The following C19orf18 variants were observed in gnomAD, a reference collection of about 807,000 sequenced individuals.
C19orf18 encodes the protein chromosome 19 open reading frame 18, also known as uncharacterized protein C19orf18.
A neutral mutation model predicts 23.3 loss-of-function variants in C19orf18; 21 were observed. That is an observed-to-expected ratio of 0.90 (90% CI 0.64 to 1.30). C19orf18 has a LOEUF of 1.30. C19orf18 is among the 50% of genes most tolerant of loss of function. The pLI, the probability that C19orf18 is intolerant of heterozygous loss-of-function variation, is 0.00. For synonymous variants in C19orf18, 96 were observed against 95.2 expected (o/e 1.01, Z -0.05); for missense variants, 249 against 259.6 (o/e 0.96, Z 0.28).
At chr19:57,969,285 G>A (rs1050108321) in intron 3 of C19orf18, among the ~76,000 whole-genome samples, 6 of 152,100 alleles carry the variant, frequency 3.9e-5, no homozygotes, top group Admixed American at 6.6e-5. Flanking sequence ...AGCCGGTTGC[G>A]GTGGCTCATG....
chr19:57,966,900 A>G (rs1472861492), intron 3 of C19orf18, among the ~76,000 whole-genome samples: 1 of 152,066 alleles, frequency 6.6e-6, no homozygotes, highest in East Asian at 1.9e-4. Context: ...CCTCCCAAGT[A>G]GCTGGCACTA....
Position 57,958,660 on chromosome 19 carries a change from G to C in C19orf18, c.590C>G (p.Ser197Ter), listed in dbSNP as rs1049034285. 1 of 1,607,042 alleles carries C rather than the reference G, an allele frequency of 6.2e-7. No individual in the cohort carries two copies. ...IKKKLKEEQN[S>*]VTENKTKNAS... ...ATTCTTTGTTTTGTTTTCTGTTACT[G>C]AGTTTTGCTCTTCCTTCAGTTTCTT... The change falls in exon 6 of 6, where the codon TCA becomes TGA. Residue 197 changes from serine (S) to a stop codon, truncating the protein, a stop_gained. Transcript: ENST00000314391. LOFTEE classifies it low-confidence loss of function (END_TRUNC).
intron 3 of C19orf18, among the ~76,000 whole-genome samples, chr19:57,971,202 G>C (rs964009590): frequency 6.6e-6 from 1 of 152,144 alleles, no homozygotes; most frequent in Non-Finnish European, 1.5e-5. Flanking sequence ...GACCCTTGAA[G>C]AGACTGCCCT....
chr19:57,960,542 T>C (rs75985193), intron 5 of C19orf18, among the ~76,000 whole-genome samples: 1,831 of 152,248 alleles, frequency 0.012, 42 homozygotes, highest in African/African-American at 0.042. Flanking sequence ...CTGGGAAATT[T>C]TACCCTGGGG....
chr19:57,972,042 G>A (rs2072948616), intron 3 of C19orf18, among the ~76,000 whole-genome samples: 1 of 152,214 alleles, frequency 6.6e-6, no homozygotes, highest in Non-Finnish European at 1.5e-5. Context: ...CAGAGGAGAA[G>A]GAAGGATGCT....
chr19:57,969,581 A>G (rs1443834208), intron 3 of C19orf18, among the ~76,000 whole-genome samples: 11 of 148,118 alleles, frequency 7.4e-5, no homozygotes, highest in African/African-American at 2.7e-4. Context: ...AAAAAAAAAA[A>G]AAAAAAAAAA....
At chr19:57,965,487 CCTTTAATCCCAG>C (rs2123224237) in intron 4 of C19orf18, among the ~76,000 whole-genome samples, 1 of 152,340 alleles carries the variant, frequency 6.6e-6, no homozygotes, top group South Asian at 2.1e-4. Context: ...GTGGCTCACA[CCTTTAATCCCAG>C]CACTGGGAGG....
At chr19:57,962,191 C>T (rs1004992801) in intron 4 of C19orf18, among the ~76,000 whole-genome samples, 7 of 151,862 alleles carry the variant, frequency 4.6e-5, no homozygotes, top group African/African-American at 1.2e-4. Flanking sequence ...GCACCATGCC[C>T]GGCTAATTAT....
chr19:57,964,306 T>G (rs527994039), intron 4 of C19orf18, among the ~76,000 whole-genome samples: 2 of 152,144 alleles, frequency 1.3e-5, no homozygotes, highest in African/African-American at 4.8e-5. Flanking sequence ...TTTTGAGACA[T>G]GGTCTCACTC....
rs138306940 is a variant in C19orf18, at chr19:57,962,717, C to T, written c.372-1166G>A. 2.5e-3 allele frequency among the ~76,000 whole-genome samples: 384 copies of T among 151,998 alleles called. 2 individuals carry two copies. Among genetic ancestry groups the T allele is most frequent in the Middle Eastern group, 0.01 (3 of 292 alleles). On this transcript the variant is annotated intron_variant, in intron 4 of 5. Coordinates refer to ENST00000314391, the MANE Select transcript of C19orf18 (RefSeq NM_152474.5). ...CTAAAAAAATACAAAATTAGCAGGG[C>T]GTGGTGGCACATGCTTGTAATCCCA...
At chr19:57,970,890 G>T (rs1261565041) in intron 3 of C19orf18, among the ~76,000 whole-genome samples, 1 of 152,090 alleles carries the variant, frequency 6.6e-6, no homozygotes, top group Non-Finnish European at 1.5e-5. Flanking sequence ...AAACAATTTT[G>T]TCCCGTCTCT....
rs768346072 is a variant in C19orf18, at chr19:57,974,472, G to A, written c.-40C>T. 11 of 1,607,702 alleles carry A rather than the reference G, an allele frequency of 6.8e-6. No homozygotes were observed. The highest frequency in any genetic ancestry group is 1.3e-5 in the African/African-American group (1 of 74,798). On this transcript the variant is annotated 5_prime_UTR_variant, in exon 1 of 6. Transcript: ENST00000314391. Reference sequence around the variant, plus strand: ...CAGTATTTTATCCCGTAGATGAAAGGAAATACTTAGCTACAGTCCAGCATC... The same window carrying A: ...CAGTATTTTATCCCGTAGATGAAAGAAAATACTTAGCTACAGTCCAGCATC...
At chr19:57,960,444 A>T (rs1057182131) in intron 5 of C19orf18, among the ~76,000 whole-genome samples, 5 of 146,464 alleles carry the variant, frequency 3.4e-5, no homozygotes, top group African/African-American at 1.3e-4. Flanking sequence ...AAAAAAAAAA[A>T]AGAACTTCTA....
At chr19:57,974,014 A>C in intron 2 of C19orf18, 85 bp downstream of exon 2, 1 of 1,320,258 alleles carries the variant, frequency 7.6e-7, no homozygotes, top group South Asian at 1.2e-5. Flanking sequence ...TCTACCAGCA[A>C]GCACACAGTA....
chr19:57,972,209 T>A (rs2072949782), intron 3 of C19orf18, among the ~76,000 whole-genome samples: 1 of 152,196 alleles, frequency 6.6e-6, no homozygotes. Context: ...TTTTGTGTGT[T>A]CCACAAAGAG....
rs773749348 is a variant in C19orf18, at chr19:57,974,363, A to G, written c.70T>C (p.Leu24=). 1.2e-6 allele frequency: 2 copies of G among 1,614,200 alleles called. No individual in the cohort carries two copies. ...FLMECQLHLC[L]PYADGLHPTG... ...GGATGGAGTCCATCTGCATACGGCA[A>G]GCATAAATGAAGTTGGCATTCCATT... The change falls in exon 1 of 6, where the codon TTG becomes CTG. Residue 24 remains leucine, a synonymous_variant. Transcript: ENST00000314391.
chr19:57,967,364 T>A (rs1454312611), intron 3 of C19orf18, among the ~76,000 whole-genome samples: 2 of 152,198 alleles, frequency 1.3e-5, no homozygotes, highest in African/African-American at 4.8e-5. Context: ...ACTGGCAGCA[T>A]GTTCGTGAAT....
At chr19:57,962,868 A>AG (rs1267145148) in intron 4 of C19orf18, among the ~76,000 whole-genome samples, 17 of 152,048 alleles carry the variant, frequency 1.1e-4, no homozygotes, top group African/African-American at 3.9e-4. Flanking sequence ...AAAAAAAAAA[A>AG]CAAAAAACTT....
intron 3 of C19orf18, among the ~76,000 whole-genome samples, chr19:57,967,330 GA>G (rs2072915905): frequency 6.6e-6 from 1 of 152,204 alleles, no homozygotes; most frequent in South Asian, 2.1e-4. Flanking sequence ...TCGAGAGATG[GA>G]TTTTGTTTTT....
Sources: allele counts gnomAD v4.1 joint callset (sites outside exome capture counted in the v4.1 genomes callset), GRCh38; gene constraint gnomAD v4.1.1; transcripts MANE v1.5; gene names NCBI Gene and HGNC (gene_info 2026-07-23, HGNC 2026-07-21).